WWP2: variants seen among roughly 807,000 people sequenced by gnomAD.
WWP2 encodes WW domain containing E3 ubiquitin protein ligase 2.
A neutral mutation model predicts 121.0 loss-of-function variants in WWP2; 57 were observed. The ratio of observed to expected loss-of-function variants is 0.47; its 90% CI spans 0.38 to 0.59. The LOEUF (loss-of-function observed/expected upper bound fraction) is 0.59. Ranked by LOEUF, WWP2 falls within the 20% of genes least tolerant of loss-of-function variation. WWP2 has a pLI of 0.00. For missense variants in WWP2, 962 were observed against 1,158.9 expected, an observed-to-expected ratio of 0.83 and a Z score of 2.47; for synonymous variants, 449 against 441.3, an observed-to-expected ratio of 1.02 and a Z score of -0.22.
chr16:69,859,875 G>A (rs1400986715), intron 6 of WWP2, among the ~76,000 whole-genome samples: 2 of 66,580 alleles, frequency 3.0e-5, no homozygotes, highest in African/African-American at 5.7e-5. Context: ...CCCCACCCCC[G>A]CCCCGCCCGA....
chr16:69,814,265 A>G (rs1355605187), intron 4 of WWP2, among the ~76,000 whole-genome samples: 1 of 152,066 alleles, frequency 6.6e-6, no homozygotes, highest in Non-Finnish European at 1.5e-5. Flanking sequence ...GGCTCAAGCG[A>G]TCCTCTTGCC....
At chr16:69,861,615 C>T (rs900260443) in intron 6 of WWP2, among the ~76,000 whole-genome samples, 16 of 149,698 alleles carry the variant, frequency 1.1e-4, no homozygotes, top group Non-Finnish European at 1.5e-4. Context: ...GTGCCTTTCC[C>T]GGTTCACTTC....
chr16:69,866,286 ATTTATT>A (rs2057522380), intron 6 of WWP2, among the ~76,000 whole-genome samples: 30 of 116,412 alleles, frequency 2.6e-4, no homozygotes, highest in African/African-American at 9.6e-4. Flanking sequence ...TTATTTATTT[ATTTATT>A]TATTTATTTA....
chr16:69,878,689 A>C (rs184513875), intron 7 of WWP2, among the ~76,000 whole-genome samples: 1 of 136,866 alleles, frequency 7.3e-6, no homozygotes, highest in Non-Finnish European at 1.7e-5. Flanking sequence ...TCATGTATCT[A>C]TGTGCTCTTC....
At chr16:69,898,966 AGTGCTGGG>A (rs1422672758) in intron 8 of WWP2, among the ~76,000 whole-genome samples, 3 of 151,884 alleles carry the variant, frequency 2.0e-5, no homozygotes, top group Non-Finnish European at 4.4e-5. Context: ...GGCCTCCCAA[AGTGCTGGG>A]ATTACAGGCA....
At chr16:69,823,413 C>A (rs2056628064) in intron 4 of WWP2, among the ~76,000 whole-genome samples, 1 of 151,482 alleles carries the variant, frequency 6.6e-6, no homozygotes, top group Non-Finnish European at 1.5e-5. Flanking sequence ...GGAAACTTCT[C>A]TTCTTTTATT....
chr16:69,899,839 G>A (rs1054191679), intron 8 of WWP2, among the ~76,000 whole-genome samples: 1 of 150,604 alleles, frequency 6.6e-6, no homozygotes, highest in Non-Finnish European at 1.5e-5. Flanking sequence ...TCTTACAATC[G>A]ATGGCATTTT....
chr16:69,802,560 T>C (rs528960165), intron 4 of WWP2, among the ~76,000 whole-genome samples: 2 of 152,090 alleles, frequency 1.3e-5, no homozygotes, highest in South Asian at 4.1e-4. Flanking sequence ...TCCTCAAGGC[T>C]TATTCATGTT....
rs2058879081 is a variant in WWP2 at position 69,941,419 on chromosome 16, T to C, written c.*1479T>C. On this transcript the variant is annotated 3_prime_UTR_variant, in exon 24 of 24. Coordinates refer to ENST00000359154, the MANE Select transcript of WWP2 (RefSeq NM_001270454.2). ...GTGCAGCCTGCGTCTGCCTCTGTCGTGTGTGCTGATTTGAGTGGCTTAGCT... is the reference window on the plus strand; with the variant it reads ...GTGCAGCCTGCGTCTGCCTCTGTCGCGTGTGCTGATTTGAGTGGCTTAGCT... 1 of 153,890 alleles carries C rather than the reference T, an allele frequency of 6.5e-6. No homozygotes were observed. Among genetic ancestry groups the C allele is most frequent in the Non-Finnish European group, 1.5e-5 (1 of 68,156 alleles). 9.5% of individuals were successfully genotyped at this position (153,890 alleles called of 1,614,324 possible).
chr16:69,780,143 C>T (rs74380942), intron 1 of WWP2, among the ~76,000 whole-genome samples: 7,767 of 152,224 alleles, frequency 0.051, 242 homozygotes, highest in South Asian at 0.084. Context: ...GGTTCCTTCC[C>T]GTCGTACTTT....
chr16:69,796,739 T>C (rs2056055515), intron 2 of WWP2, among the ~76,000 whole-genome samples: 1 of 152,226 alleles, frequency 6.6e-6, no homozygotes, highest in South Asian at 2.1e-4. Context: ...CACCTCATTT[T>C]TCTACCCTGG....
At chr16:69,911,545 G>A (rs1419041883) in intron 9 of WWP2, among the ~76,000 whole-genome samples, 5 of 152,154 alleles carry the variant, frequency 3.3e-5, no homozygotes, top group Admixed American at 6.5e-5. Flanking sequence ...AAGTGTGCCC[G>A]GTGGGGCTCT....
In WWP2 at chr16:69,816,048, A is replaced by T. The variant is rs559691658; in HGVS notation, c.340+16753A>T. On this transcript the variant is annotated intron_variant, in intron 4 of 23. Transcript: ENST00000359154. Reference sequence around the variant, plus strand: ...AGGCAGCAAGGGACAAAAGTAAAAGACAGCTACAGACCCTGGTGCCTTCAA... The same window carrying T: ...AGGCAGCAAGGGACAAAAGTAAAAGTCAGCTACAGACCCTGGTGCCTTCAA... 3.9e-5 allele frequency among the ~76,000 whole-genome samples: 6 copies of T among 152,258 alleles called. No individual in the cohort carries two copies. In the South Asian group the frequency reaches 1.2e-3, roughly 32 times the overall value.
chr16:69,790,261 A>C (rs1056411435), intron 2 of WWP2, among the ~76,000 whole-genome samples: 1 of 152,200 alleles, frequency 6.6e-6, no homozygotes. Context: ...GAAAACAACA[A>C]AAAAAGAGAA....
rs2057645550 is a variant in WWP2 at position 69,871,890 on chromosome 16, C to T, written c.662C>T (p.Pro221Leu). 6.2e-7 allele frequency: 1 copy of T among 1,613,986 alleles called. No individual in the cohort carries two copies. Among genetic ancestry groups the T allele is most frequent in the Admixed American group, 1.7e-5 (1 of 60,000 alleles). ...SPGARSRHRQPVKNSGHSGLA... is the reference protein window; with the variant it reads ...SPGARSRHRQLVKNSGHSGLA... Reference sequence around the variant, plus strand: ...GGTGCTCGGAGCCGGCACCGCCAGCCCGTCAAGAACTCAGGCCACAGTGGC... The same window carrying T: ...GGTGCTCGGAGCCGGCACCGCCAGCTCGTCAAGAACTCAGGCCACAGTGGC... The change falls in exon 7 of 24, where the codon CCC becomes CTC. Residue 221 changes from proline to leucine, a missense_variant. By Grantham distance (98) the Pro-to-Leu change is moderately conservative (BLOSUM62 -3). This residue lies in a region of WWP2 where 211 missense variants were observed against 196.5 expected (regional missense o/e 1.07). Transcript: ENST00000359154.
intron 8 of WWP2, among the ~76,000 whole-genome samples, chr16:69,903,426 T>G (rs529582860): frequency 5.3e-5 from 8 of 152,160 alleles, no homozygotes; most frequent in Non-Finnish European, 8.8e-5. Context: ...ATAAAAGATG[T>G]CAAAAGTGGA....
chr16:69,779,290 T>C (rs2055613406), intron 1 of WWP2, among the ~76,000 whole-genome samples: 1 of 152,186 alleles, frequency 6.6e-6, no homozygotes, highest in Non-Finnish European at 1.5e-5. Flanking sequence ...TTGGAAAGGT[T>C]TTACAATTCC....
chr16:69,869,380 GA>G (rs1035781073), intron 6 of WWP2, among the ~76,000 whole-genome samples: 9 of 150,340 alleles, frequency 6.0e-5, no homozygotes, highest in African/African-American at 2.0e-4. Context: ...TTGGGGGCAA[GA>G]AAAACTTAAT....
At position 69,811,051 on chromosome 16, in the gene WWP2, G is replaced by A. The variant is rs144539224; in HGVS notation, c.340+11756G>A. On this transcript the variant is annotated intron_variant, in intron 4 of 23. Coordinates refer to ENST00000359154, the MANE Select transcript of WWP2 (RefSeq NM_001270454.2). Reference sequence around the variant, plus strand: ...ATTATAGGTATGAGCCACCATGCCCGGCTGGAATTTTCAAACATAATTTTC... The same window carrying A: ...ATTATAGGTATGAGCCACCATGCCCAGCTGGAATTTTCAAACATAATTTTC... 5.9e-5 allele frequency among the ~76,000 whole-genome samples: 9 copies of A among 152,230 alleles called. No homozygotes were observed. In the East Asian group the frequency reaches 7.7e-4, roughly 13 times the overall value.
Sources: allele counts gnomAD v4.1 joint callset (sites outside exome capture counted in the v4.1 genomes callset), GRCh38; gene constraint gnomAD v4.1.1; regional missense constraint gnomAD v4.1.1; transcripts MANE v1.5; gene names NCBI Gene and HGNC (gene_info 2026-07-23, HGNC 2026-07-21).